The following ANKRD31 variants were observed in gnomAD, a reference collection of about 807,000 sequenced individuals.
ANKRD31 encodes the protein ankyrin repeat domain-containing protein 31.
A neutral mutation model predicts 186.0 loss-of-function variants in ANKRD31; 147 were observed. That is an observed-to-expected ratio of 0.79 (90% CI 0.69 to 0.91). ANKRD31 has a LOEUF of 0.91. ANKRD31 is among the 40% of genes least tolerant of loss of function. ANKRD31 has a pLI of 0.00. For synonymous variants in ANKRD31, 673 were observed against 736.4 expected, an observed-to-expected ratio of 0.91 and a Z score of 1.39; for missense variants, 1,986 against 2,148.8, an observed-to-expected ratio of 0.92 and a Z score of 1.50.
At chr5:75,079,362 C>T (rs1744907976) in intron 25 of ANKRD31, among the ~76,000 whole-genome samples, 1 of 152,060 alleles carries the variant, frequency 6.6e-6, no homozygotes, top group East Asian at 1.9e-4. Flanking sequence ...TTAGGAAATA[C>T]TGATTAACAA....
intron 11 of ANKRD31, among the ~76,000 whole-genome samples, chr5:75,158,613 C>CA (rs1404327007): frequency 2.0e-5 from 3 of 152,020 alleles, no homozygotes; most frequent in African/African-American, 7.2e-5. Flanking sequence ...TCCATCTCTA[C>CA]AAAAAATACA....
At chr5:75,177,401 C>T (rs1325107461) in intron 10 of ANKRD31, among the ~76,000 whole-genome samples, 4 of 152,014 alleles carry the variant, frequency 2.6e-5, no homozygotes, top group Admixed American at 6.5e-5. Flanking sequence ...AGATACTCCT[C>T]GAGAAGAGCA....
chr5:75,091,567 A>G (rs1299134878), intron 22 of ANKRD31, among the ~76,000 whole-genome samples, 166 bp from the exon 23 acceptor site: 1 of 152,186 alleles, frequency 6.6e-6, no homozygotes. Flanking sequence ...GCATGCAGCA[A>G]ATGATGAACC....
At chr5:75,201,594 T>G (rs1252881503) in intron 5 of ANKRD31, among the ~76,000 whole-genome samples, 1 of 152,214 alleles carries the variant, frequency 6.6e-6, no homozygotes, top group Non-Finnish European at 1.5e-5. Flanking sequence ...TTCTCCCATG[T>G]TGTCTTTAAC....
intron 3 of ANKRD31, among the ~76,000 whole-genome samples, chr5:75,220,363 G>T (rs960797527): frequency 6.6e-6 from 1 of 152,116 alleles, no homozygotes; most frequent in Non-Finnish European, 1.5e-5. Context: ...GGCAATGGCC[G>T]GGAACGGTGG....
chr5:75,179,861 T>G (rs2150215557), intron 10 of ANKRD31, among the ~76,000 whole-genome samples: 1 of 152,270 alleles, frequency 6.6e-6, no homozygotes, highest in African/African-American at 2.4e-5. Context: ...CTATTCAACA[T>G]ACTTTTGGAA....
chr5:75,228,509 T>C (rs1239182429), intron 2 of ANKRD31, among the ~76,000 whole-genome samples: 1 of 151,734 alleles, frequency 6.6e-6, no homozygotes, highest in Non-Finnish European at 1.5e-5. Context: ...AACATGAAAG[T>C]AAATAAACAA....
chr5:75,138,119 C>T (rs1338671488), intron 16 of ANKRD31, 121 bp from the exon 17 acceptor site: 9 of 834,600 alleles, frequency 1.1e-5, no homozygotes, highest in East Asian at 3.0e-5. Context: ...TATGTATATA[C>T]TAAGTATTGA....
chr5:75,207,276 A>T (rs1340689200), intron 4 of ANKRD31, among the ~76,000 whole-genome samples: 1 of 152,216 alleles, frequency 6.6e-6, no homozygotes, highest in Non-Finnish European at 1.5e-5. Context: ...GATAAAAATG[A>T]AGCTATTCAT....
intron 17 of ANKRD31, among the ~76,000 whole-genome samples, chr5:75,126,939 T>C (rs534322215): frequency 2.0e-5 from 3 of 152,262 alleles, no homozygotes; most frequent in African/African-American, 7.2e-5. Context: ...AATCAACTAA[T>C]TGGGAGGCTG....
At chr5:75,143,043 C>G (rs959014601) in intron 15 of ANKRD31, among the ~76,000 whole-genome samples, 2 of 152,158 alleles carry the variant, frequency 1.3e-5, no homozygotes, top group Admixed American at 1.3e-4. Context: ...TGTACTCCCT[C>G]TGGAAGCTCT....
rs72768329 is a variant in ANKRD31 at position 75,106,721 on chromosome 5, A to G, written c.4340+800T>C. 2.8e-3 allele frequency among the ~76,000 whole-genome samples: 421 copies of G among 152,132 alleles called. 2 individuals carry two copies. Among genetic ancestry groups the G allele is most frequent in the Non-Finnish European group, 4.6e-3 (309 of 67,894 alleles). On this transcript the variant is annotated intron_variant, in intron 21 of 25. Transcript: ENST00000506364. Reference sequence around the variant, plus strand: ...TCTCCAAAGTCCCCTAAAATTACCCATATGTAGGTTATATAAGCTCACTGC... The same window carrying G: ...TCTCCAAAGTCCCCTAAAATTACCCGTATGTAGGTTATATAAGCTCACTGC...
chr5:75,128,358 G>A (rs185734572), intron 17 of ANKRD31, among the ~76,000 whole-genome samples: 9 of 151,472 alleles, frequency 5.9e-5, no homozygotes, highest in South Asian at 4.2e-4. Flanking sequence ...GTATACTTAC[G>A]TAACAAACCT....
intron 22 of ANKRD31, among the ~76,000 whole-genome samples, chr5:75,095,369 G>A (rs1344670857): frequency 1.3e-5 from 2 of 152,082 alleles, no homozygotes; most frequent in Non-Finnish European, 2.9e-5. Context: ...AGCTACTCAG[G>A]AGGCTGAGGC....
At chr5:75,103,833 A>G (rs1049222358) in intron 22 of ANKRD31, among the ~76,000 whole-genome samples, 7 of 152,142 alleles carry the variant, frequency 4.6e-5, no homozygotes, top group African/African-American at 1.4e-4. Context: ...GGAACAGCAC[A>G]TACTGGGGCC....
chr5:75,193,684 AT>A, intron 7 of ANKRD31, 93 bp from the exon 8 acceptor site: 1 of 1,170,724 alleles, frequency 8.5e-7, no homozygotes, highest in Non-Finnish European at 1.2e-6. Flanking sequence ...CTTTGCTTAA[AT>A]TAAAATGCCT....
intron 22 of ANKRD31, among the ~76,000 whole-genome samples, chr5:75,100,035 T>C (rs1330395247): frequency 6.6e-6 from 1 of 152,204 alleles, no homozygotes; most frequent in Non-Finnish European, 1.5e-5. Context: ...TTTTAGGTCT[T>C]TCCTGCTTTC....
In ANKRD31 at chr5:75,196,727, C is replaced by G. The variant is rs1024647186; in HGVS notation, c.448-527G>C. On this transcript the variant is annotated intron_variant, in intron 6 of 25. Coordinates refer to ENST00000506364, the MANE Select transcript of ANKRD31 (RefSeq NM_001372053.1). Reference sequence around the variant, plus strand: ...GGGAAAAGGTGGAGAAATGAGGGTACAGTTATGTATAAATATTACAAGCCC... The same window carrying G: ...GGGAAAAGGTGGAGAAATGAGGGTAGAGTTATGTATAAATATTACAAGCCC... Among the ~76,000 whole-genome samples, 4 of 152,018 alleles carry G rather than the reference C, an allele frequency of 2.6e-5. No homozygotes were observed. In the South Asian group the frequency reaches 8.3e-4, roughly 31 times the overall value.
At chr5:75,121,368 T>C (rs1748775945) in intron 17 of ANKRD31, among the ~76,000 whole-genome samples, 1 of 152,144 alleles carries the variant, frequency 6.6e-6, no homozygotes, top group Non-Finnish European at 1.5e-5. Flanking sequence ...CTGGGGCACT[T>C]GAACATCCGA....
Sources: allele counts gnomAD v4.1 joint callset (sites outside exome capture counted in the v4.1 genomes callset), GRCh38; gene constraint gnomAD v4.1.1; transcripts MANE v1.5; gene names NCBI Gene and HGNC (gene_info 2026-07-23, HGNC 2026-07-21).